The following ERICH3 variants were observed in gnomAD, a reference collection of about 807,000 sequenced individuals.
The protein encoded by ERICH3 is glutamate rich 3, also known as glutamate-rich protein 3.
Under a neutral mutation model 131.1 loss-of-function variants are expected in ERICH3, and 126 were observed. That is an observed-to-expected ratio of 0.96 (90% confidence interval 0.83 to 1.11). The LOEUF (loss-of-function observed/expected upper bound fraction) is 1.11, where lower values mean the gene tolerates loss of function less well. ERICH3 is among the 50% of genes most tolerant of loss of function. The pLI, the probability that ERICH3 is intolerant of heterozygous loss-of-function variation, is 0.00. For missense variants in ERICH3, 2,050 were observed against 1,810.7 expected (o/e 1.13, Z -2.40); for synonymous variants, 695 against 644.6 (o/e 1.08, Z -1.18).
intron 1 of ERICH3, among the ~76,000 whole-genome samples, chr1:74,652,438 A>T (rs181572493): frequency 8.3e-4 from 126 of 152,192 alleles, no homozygotes; most frequent in African/African-American, 2.4e-3. Flanking sequence ...ACATTTACCC[A>T]GTTACAAGAG....
chr1:74,663,287 C>T (rs543218344), intron 1 of ERICH3, among the ~76,000 whole-genome samples: 2 of 152,224 alleles, frequency 1.3e-5, no homozygotes, highest in South Asian at 2.1e-4. Context: ...ATAAATCCCA[C>T]AAGGATGGGA....
chr1:74,658,426 C>A (rs1646605672), intron 1 of ERICH3, among the ~76,000 whole-genome samples: 1 of 152,050 alleles, frequency 6.6e-6, no homozygotes, highest in Non-Finnish European at 1.5e-5. Context: ...GTACACAGAC[C>A]AAACAAACCC....
chr1:74,586,074 A>G lies in ERICH3; in HGVS notation c.2176+3557T>C, dbSNP rs375174640. Among the ~76,000 whole-genome samples the G allele has an allele frequency of 4.6e-5, 7 of 152,056 alleles. No individual in the cohort carries two copies. In the South Asian group the frequency reaches 1.4e-3, roughly 31 times the overall value. ...TATTTCCTGGCTTTCACAACCCTCA[A>G]ATTTTGTTCTTTTGTGGAAGATGAA... On this transcript the variant is annotated intron_variant, in intron 12 of 14. Transcript: ENST00000326665.
chr1:74,659,197 G>T (rs1403089602), intron 1 of ERICH3, among the ~76,000 whole-genome samples: 1 of 152,106 alleles, frequency 6.6e-6, no homozygotes, highest in Non-Finnish European at 1.5e-5. Context: ...CAAGAGGATT[G>T]CTCCAGGAAG....
intron 8 of ERICH3, among the ~76,000 whole-genome samples, chr1:74,613,508 G>A (rs992583604): frequency 1.3e-5 from 2 of 152,078 alleles, no homozygotes; most frequent in Admixed American, 6.5e-5. Flanking sequence ...ATAATAAAAG[G>A]CTACTGTGAG....
intron 11 of ERICH3, among the ~76,000 whole-genome samples, chr1:74,591,016 A>T (rs1294764265): frequency 6.6e-6 from 1 of 152,156 alleles, no homozygotes; most frequent in Non-Finnish European, 1.5e-5. Flanking sequence ...TTCTGTGTGC[A>T]TGAAACTTAA....
chr1:74,663,608 T>C (rs1356912607), intron 1 of ERICH3, among the ~76,000 whole-genome samples: 2 of 147,780 alleles, frequency 1.4e-5, no homozygotes, highest in African/African-American at 5.1e-5. Context: ...AATGGTGTCC[T>C]TCCTGATTTT....
chr1:74,668,837 A>G (rs988089281), intron 1 of ERICH3, among the ~76,000 whole-genome samples: 3 of 152,186 alleles, frequency 2.0e-5, no homozygotes, highest in African/African-American at 7.2e-5. Flanking sequence ...AATAGAAACT[A>G]CCAAAGTTTA....
At chr1:74,635,420 G>A (rs981144916) in intron 6 of ERICH3, among the ~76,000 whole-genome samples, 2 of 152,110 alleles carry the variant, frequency 1.3e-5, no homozygotes, top group Admixed American at 1.3e-4. Context: ...TACTTTTACT[G>A]TGAAACACAA....
chr1:74,608,930 G>C (rs148470996), intron 9 of ERICH3, among the ~76,000 whole-genome samples: 1 of 151,966 alleles, frequency 6.6e-6, no homozygotes, highest in Non-Finnish European at 1.5e-5. Context: ...TTGTGGCTGC[G>C]TAAAGGCTTT....
chr1:74,646,636 A>G, intron 3 of ERICH3, 31 bp downstream of exon 3: 1 of 1,144,266 alleles, frequency 8.7e-7, no homozygotes, highest in Non-Finnish European at 1.2e-6. Flanking sequence ...AAAAAAATAA[A>G]ATAAAATAAA....
intron 3 of ERICH3, among the ~76,000 whole-genome samples, chr1:74,643,322 C>T (rs1261964615): frequency 3.3e-5 from 5 of 152,024 alleles, no homozygotes; most frequent in Non-Finnish European, 7.4e-5. Flanking sequence ...TGTTCATAAC[C>T]TTTAACCCTT....
At chr1:74,673,057 A>G (rs1287091188) in intron 1 of ERICH3, among the ~76,000 whole-genome samples, 1 of 152,156 alleles carries the variant, frequency 6.6e-6, no homozygotes, top group African/African-American at 2.4e-5. Flanking sequence ...TCAATACTGA[A>G]TGAACTCACA....
intron 11 of ERICH3, among the ~76,000 whole-genome samples, chr1:74,593,786 T>A (rs1031264851): frequency 6.6e-6 from 1 of 151,926 alleles, no homozygotes; most frequent in Non-Finnish European, 1.5e-5. Flanking sequence ...TCCAAAGAGG[T>A]TCAACAGTAC....
intron 11 of ERICH3, among the ~76,000 whole-genome samples, chr1:74,591,445 G>A (rs1338266465): frequency 1.3e-5 from 2 of 152,174 alleles, no homozygotes; most frequent in African/African-American, 4.8e-5. Flanking sequence ...GCCACCCTAG[G>A]GGGAATGTAA....
rs368417848 is a variant in ERICH3, at chr1:74,571,355, G to T, written c.4355C>A (p.Ser1452Ter). Residue 1452 changes from serine to a stop codon, truncating the protein, a stop_gained, in exon 14 of 15, where the codon TCA (serine) becomes TAA (stop). Transcript: ENST00000326665. LOFTEE classifies it high-confidence loss of function. ...SGLGQEQEEGSEGQEAATGSG... is the reference protein window; with the variant it reads ...SGLGQEQEEG ...CCCAGTGGCTGCCTCCTGGCCCTCT[G>T]ACCCTTCCTCTTGCTCCTGTCCTAG... The T allele has an allele frequency of 1.7e-5, 28 of 1,613,890 alleles. No individual in the cohort carries two copies. The highest frequency in any genetic ancestry group is 2.2e-5 in the Non-Finnish European group (26 of 1,180,000).
chr1:74,581,652 G>T lies in ERICH3; in HGVS notation c.2177-4716C>A, dbSNP rs545256381. On this transcript the variant is annotated intron_variant, in intron 12 of 14. Transcript: ENST00000326665. ...TCTGCTCTGTGCTGCTATAAAAAAG[G>T]CACATGGAGAATAATAGTTACATGA... 2.6e-5 allele frequency among the ~76,000 whole-genome samples: 4 copies of T among 152,208 alleles called. No homozygotes were observed. In the East Asian group the frequency reaches 7.7e-4, roughly 29 times the overall value.
chr1:74,664,701 T>A (rs1347840434), intron 1 of ERICH3, among the ~76,000 whole-genome samples: 1 of 152,198 alleles, frequency 6.6e-6, no homozygotes, highest in African/African-American at 2.4e-5. Flanking sequence ...AATTTGTAAA[T>A]GTTTATGACT....
chr1:74,663,195 A>G (rs1646658781), intron 1 of ERICH3, among the ~76,000 whole-genome samples: 1 of 152,160 alleles, frequency 6.6e-6, no homozygotes, highest in Admixed American at 6.6e-5. Flanking sequence ...AAGCGAACAT[A>G]TTGACATATA....
Sources: allele counts gnomAD v4.1 joint callset (sites outside exome capture counted in the v4.1 genomes callset), GRCh38; gene constraint gnomAD v4.1.1; transcripts MANE v1.5; gene names NCBI Gene and HGNC (gene_info 2026-07-23, HGNC 2026-07-21).